SSBP2: variants seen among roughly 807,000 people sequenced by gnomAD.
SSBP2 encodes the protein single-stranded DNA-binding protein 2.
A neutral mutation model predicts 61.8 loss-of-function variants in SSBP2; 17 were observed. The ratio of observed to expected loss-of-function variants is 0.28; its 90% CI spans 0.19 to 0.41. SSBP2 has a LOEUF of 0.41. SSBP2 is among the 10% of genes least tolerant of loss of function. The pLI, the probability that SSBP2 is intolerant of heterozygous loss-of-function variation, is 1.00. For missense variants in SSBP2, 310 were observed against 458.7 expected, an observed-to-expected ratio of 0.68 and a Z score of 2.96; for synonymous variants, 139 against 141.3, an observed-to-expected ratio of 0.98 and a Z score of 0.12.
At chr5:81,653,724 G>A (rs948801864) in intron 1 of SSBP2, among the ~76,000 whole-genome samples, 4 of 151,980 alleles carry the variant, frequency 2.6e-5, no homozygotes, top group Admixed American at 2.6e-4. Context: ...TTTCATGTTT[G>A]TTGGCTGCAT....
chr5:81,424,164 G>C (rs1297309496), intron 16 of SSBP2, among the ~76,000 whole-genome samples: 1 of 152,126 alleles, frequency 6.6e-6, no homozygotes, highest in Non-Finnish European at 1.5e-5. Context: ...GGTGGGTCAC[G>C]CCTGTAATCT....
At chr5:81,609,827 TA>T (rs1159337056) in intron 4 of SSBP2, among the ~76,000 whole-genome samples, 1 of 152,174 alleles carries the variant, frequency 6.6e-6, no homozygotes, top group Non-Finnish European at 1.5e-5. Flanking sequence ...GTCTTTGTTT[TA>T]ACCTTTTTTG....
chr5:81,713,734 G>T (rs1037436728), intron 1 of SSBP2, among the ~76,000 whole-genome samples: 1 of 152,016 alleles, frequency 6.6e-6, no homozygotes, highest in Non-Finnish European at 1.5e-5. Context: ...CATTTAAGGA[G>T]AGCCTGAAAT....
chr5:81,498,836 G>T (rs533087964), intron 5 of SSBP2, among the ~76,000 whole-genome samples: 8 of 152,118 alleles, frequency 5.3e-5, no homozygotes, highest in African/African-American at 1.7e-4. Flanking sequence ...AATCACTAGA[G>T]TATTGTGACA....
At chr5:81,616,883 C>T (rs1261780982) in intron 3 of SSBP2, among the ~76,000 whole-genome samples, 2 of 152,008 alleles carry the variant, frequency 1.3e-5, no homozygotes, top group African/African-American at 2.4e-5. Flanking sequence ...AGACCTACAG[C>T]TGAGGGTCCT....
intron 12 of SSBP2, among the ~76,000 whole-genome samples, chr5:81,446,556 T>C (rs988363278): frequency 6.6e-6 from 1 of 152,198 alleles, no homozygotes; most frequent in Non-Finnish European, 1.5e-5. Context: ...AGAAATTTTC[T>C]AAATTGTAGA....
chr5:81,563,655 G>A (rs1773213969), intron 4 of SSBP2, among the ~76,000 whole-genome samples: 1 of 151,882 alleles, frequency 6.6e-6, no homozygotes, highest in Non-Finnish European at 1.5e-5. Context: ...TATACAATAG[G>A]GAAAGAAGAG....
intron 6 of SSBP2, among the ~76,000 whole-genome samples, chr5:81,480,217 T>C (rs1436958584): frequency 2.6e-5 from 4 of 152,224 alleles, no homozygotes; most frequent in Non-Finnish European, 4.4e-5. Context: ...GAATGCATCA[T>C]AACTTCAATG....
intron 4 of SSBP2, among the ~76,000 whole-genome samples, chr5:81,546,978 C>T (rs947580517): frequency 1.5e-5 from 2 of 136,618 alleles, no homozygotes; most frequent in African/African-American, 5.8e-5. Context: ...TAAAAGTTTT[C>T]ACCAAGACTA....
chr5:81,680,067 C>T (rs1261993179), intron 1 of SSBP2, among the ~76,000 whole-genome samples: 2 of 151,760 alleles, frequency 1.3e-5, no homozygotes, highest in Non-Finnish European at 2.9e-5. Context: ...AAACAGAAAC[C>T]GTTCCCAACA....
chr5:81,592,463 T>C (rs1581114925), intron 4 of SSBP2, among the ~76,000 whole-genome samples: 2 of 152,312 alleles, frequency 1.3e-5, no homozygotes, highest in East Asian at 3.9e-4. Context: ...CAGACTTAAA[T>C]GTCCCTGTCT....
At chr5:81,586,141 T>C (rs1775042415) in intron 4 of SSBP2, among the ~76,000 whole-genome samples, 1 of 152,218 alleles carries the variant, frequency 6.6e-6, no homozygotes, top group Admixed American at 6.5e-5. Flanking sequence ...ACTTATTTCA[T>C]TTCCTTTGGA....
chr5:81,717,503 T>C (rs770025128), intron 1 of SSBP2, among the ~76,000 whole-genome samples: 36 of 152,324 alleles, frequency 2.4e-4, no homozygotes, highest in Non-Finnish European at 4.4e-4. Context: ...AGTTTACTTA[T>C]AGAGTGAAAT....
intron 2 of SSBP2, among the ~76,000 whole-genome samples, chr5:81,647,381 T>C (rs942816408): frequency 2.6e-5 from 4 of 152,142 alleles, no homozygotes; most frequent in Non-Finnish European, 5.9e-5. Context: ...ATACATGGCA[T>C]ACTTTGGCTT....
At chr5:81,634,028 T>A (rs940391420) in intron 3 of SSBP2, among the ~76,000 whole-genome samples, 2 of 152,224 alleles carry the variant, frequency 1.3e-5, no homozygotes, top group Non-Finnish European at 2.9e-5. Flanking sequence ...ACCATCTAAA[T>A]GGACTTCCTC....
chr5:81,587,639 G>A (rs1320415765), intron 4 of SSBP2, among the ~76,000 whole-genome samples: 1 of 152,022 alleles, frequency 6.6e-6, no homozygotes, highest in Non-Finnish European at 1.5e-5. Context: ...CTGAGACAGG[G>A]GAATTGCCTG....
intron 1 of SSBP2, among the ~76,000 whole-genome samples, chr5:81,713,276 A>G (rs1754921569): frequency 6.6e-6 from 1 of 152,014 alleles, no homozygotes; most frequent in Admixed American, 6.6e-5. Flanking sequence ...CTGTTTAAAA[A>G]TCTGTAAGAT....
At chr5:81,526,006 T>A (rs1305663649) in intron 4 of SSBP2, among the ~76,000 whole-genome samples, 1 of 152,088 alleles carries the variant, frequency 6.6e-6, no homozygotes, top group Non-Finnish European at 1.5e-5. Flanking sequence ...GTGTTGATTT[T>A]TCCAGGAAGA....
At chr5:81,737,893 G>C (rs1195374388) in intron 1 of SSBP2, among the ~76,000 whole-genome samples, 1 of 151,338 alleles carries the variant, frequency 6.6e-6, no homozygotes, top group African/African-American at 2.4e-5. Flanking sequence ...CCCTTTCCTT[G>C]ATTTCTGCTA....
Sources: allele counts gnomAD v4.1 joint callset (sites outside exome capture counted in the v4.1 genomes callset), GRCh38; gene constraint gnomAD v4.1.1; transcripts MANE v1.5; gene names NCBI Gene and HGNC (gene_info 2026-07-23, HGNC 2026-07-21).